INTS6L: variants seen among roughly 807,000 people sequenced by gnomAD.
INTS6L encodes the protein integrator complex subunit 6-like.
A neutral mutation model predicts 64.7 loss-of-function variants in INTS6L; 18 were observed. That is an observed-to-expected ratio of 0.28 (90% CI 0.19 to 0.41). The LOEUF (loss-of-function observed/expected upper bound fraction) is 0.41. INTS6L is among the 10% of genes least tolerant of loss of function. The pLI is 1.00. For synonymous variants in INTS6L, 227 were observed against 235.9 expected (o/e 0.96, Z 0.34); for missense variants, 533 against 661.0 (o/e 0.81, Z 2.12).
In INTS6L at chrX:135,574,002, C is replaced by T; in HGVS notation, c.1681C>T (p.Leu561=). ...DIPRRGLLDQ[L]TRMRSNLLKT... is the part of the protein sequence containing the mutation. ...TCCCCGTAGAGGTCTTTTAGACCAG[C>T]TGACCAGAATGAGATCCAATCTGCT... Residue 561 remains leucine, a synonymous_variant, in exon 13 of 18, where the codon CTG becomes TTG. Transcript: ENST00000639893. 8.3e-7 allele frequency: 1 copy of T among 1,206,487 alleles called. No homozygotes were observed. The highest frequency in any genetic ancestry group is 1.8e-5 in the South Asian group (1 of 55,784).
At chrX:135,559,045 A>G (rs1296958919) in intron 9 of INTS6L, among the ~76,000 whole-genome samples, 3 of 111,386 alleles carry the variant, frequency 2.7e-5, no homozygotes, top group African/African-American at 9.8e-5. Context: ...GGCCTCCTAA[A>G]GTGCTGGGAT....
At position 135,556,240 on chromosome X, in the gene INTS6L, T is replaced by G. The variant is rs2148637927; in HGVS notation, c.1132T>G (p.Leu378Val). ...PFGYLKASTT[L>V]TCVNLFVMPY... Reference sequence around the variant, plus strand: ...TGGTTATTTAAAAGCCAGTACAACTTTAACTTGTGTAAACCTCTTTGTGAT... The same window carrying G: ...TGGTTATTTAAAAGCCAGTACAACTGTAACTTGTGTAAACCTCTTTGTGAT... The change falls in exon 9 of 18, where the codon TTA becomes GTA. Residue 378 changes from leucine (L) to valine (V), a missense_variant. Coordinates refer to ENST00000639893, the MANE Select transcript of INTS6L (RefSeq NM_001351601.3). 5.0e-6 allele frequency: 6 copies of G among 1,203,527 alleles called. No homozygotes were observed. In the South Asian group the frequency reaches 9.1e-5, roughly 18 times the overall value.
intron 7 of INTS6L, among the ~76,000 whole-genome samples, chrX:135,550,127 G>A (rs5974537): frequency 8.9e-6 from 1 of 111,890 alleles, no homozygotes; most frequent in Non-Finnish European, 1.9e-5. Context: ...CTTGATTTAC[G>A]TGGCAAACAC....
intron 9 of INTS6L, among the ~76,000 whole-genome samples, chrX:135,567,644 G>A (rs2086986463): frequency 9.0e-6 from 1 of 111,499 alleles, no homozygotes; most frequent in Admixed American, 9.5e-5. Flanking sequence ...CAGTATTTAC[G>A]TTTGTCCGTT....
At chrX:135,535,749 G>A (rs1477790425) in intron 2 of INTS6L, among the ~76,000 whole-genome samples, 2 of 111,992 alleles carry the variant, frequency 1.8e-5, no homozygotes, top group Non-Finnish European at 3.8e-5. Context: ...AGAAATGATG[G>A]CCCTGCTAAA....
At chrX:135,540,404 A>G (rs999039099) in intron 2 of INTS6L, among the ~76,000 whole-genome samples, 7 of 112,057 alleles carry the variant, frequency 6.2e-5, no homozygotes, top group Non-Finnish European at 1.3e-4. Flanking sequence ...ACATATAAGC[A>G]CTGATAAATA....
rs782084036 is a variant in INTS6L at position 135,579,880 on chromosome X, C to T, written c.2212C>T (p.Leu738Phe). 3.3e-6 allele frequency: 4 copies of T among 1,211,660 alleles called. No homozygotes were observed. Among genetic ancestry groups the T allele is most frequent in the Non-Finnish European group, 4.5e-6 (4 of 895,401 alleles). Residue 738 changes from leucine (L) to phenylalanine (F), a missense_variant, in exon 16 of 18, where the codon CTT becomes TTT. Physicochemically the swap from Leu to Phe is conservative, Grantham distance 22. Coordinates refer to ENST00000639893, the MANE Select transcript of INTS6L (RefSeq NM_001351601.3). The part of the protein sequence containing the change: ...GFLSKSAPSE[L>F]INMTGDLMPP... The stretch of plus-strand genomic sequence containing the variant: ...CCTGTCAAAATCTGCTCCATCAGAG[C>T]TTATAAATATGACAGGAGATCTTAT...
chrX:135,541,696 T>C (rs782180228), intron 2 of INTS6L, among the ~76,000 whole-genome samples: 9 of 112,631 alleles, frequency 8.0e-5, no homozygotes, highest in African/African-American at 2.9e-4. Context: ...GAAAGTGCTT[T>C]GTAAGCAGTA....
In INTS6L at chrX:135,536,333, G is replaced by A. The variant is rs2086051069; in HGVS notation, c.190-9090G>A. Reference sequence around the variant, plus strand: ...TTTATAAATAGTCAATTCACATACAGTTTGTAAGGGTTACTTTTCTTGTGG... The same window carrying A: ...TTTATAAATAGTCAATTCACATACAATTTGTAAGGGTTACTTTTCTTGTGG... On this transcript the variant is annotated intron_variant, in intron 2 of 17. Coordinates refer to ENST00000639893, the MANE Select transcript of INTS6L (RefSeq NM_001351601.3). 8.9e-5 allele frequency among the ~76,000 whole-genome samples: 10 copies of A among 112,074 alleles called. No individual in the cohort carries two copies. The Admixed American group carries it at 9.4e-4, about 11-fold the overall frequency.
In INTS6L at chrX:135,520,906, G is replaced by C. The variant is rs959840170; in HGVS notation, c.-87G>C. On this transcript the variant is annotated 5_prime_UTR_variant, in exon 1 of 18. Transcript: ENST00000639893. ...CTTGCTCCTTGCTCCCCGGCTCTGC[G>C]AGAGTTGAGGGTTCAGGTGGCCGTA... 1.4e-5 allele frequency: 14 copies of C among 989,110 alleles called. No individual in the cohort carries two copies. Among genetic ancestry groups the C allele is most frequent in the Admixed American group, 7.0e-5 (3 of 42,890 alleles). 81.5% of individuals were successfully genotyped at this position (989,110 alleles called of 1,213,427 possible).
At chrX:135,539,565 A>G (rs1174669217) in intron 2 of INTS6L, among the ~76,000 whole-genome samples, 1 of 112,253 alleles carries the variant, frequency 8.9e-6, no homozygotes, top group Non-Finnish European at 1.9e-5. Context: ...GTAGCATTTT[A>G]AATTTTCTTC....
intron 2 of INTS6L, among the ~76,000 whole-genome samples, chrX:135,533,041 C>T (rs1459027938): frequency 8.9e-6 from 1 of 112,238 alleles, no homozygotes; most frequent in Non-Finnish European, 1.9e-5. Flanking sequence ...CACACCACTG[C>T]AGTCCAGCCT....
intron 2 of INTS6L, among the ~76,000 whole-genome samples, chrX:135,522,381 T>A (rs1159819485): frequency 9.0e-6 from 1 of 111,704 alleles, no homozygotes; most frequent in Non-Finnish European, 1.9e-5. Flanking sequence ...AGGAGAAAAG[T>A]AGGGAGGACG....
rs1556534215 is a variant in INTS6L at position 135,581,076 on chromosome X, G to C, written c.2521G>C (p.Glu841Gln). 1.7e-6 allele frequency: 2 copies of C among 1,179,470 alleles called. No individual in the cohort carries two copies. The highest frequency in any genetic ancestry group is 2.5e-5 in the Admixed American group (1 of 39,811). ...RKYERIFILLEEVQGPLEMKK... is the reference protein window; with the variant it reads ...RKYERIFILLQEVQGPLEMKK... ...ATATGAAAGAATTTTCATTTTGCTT[G>C]AAGAAGTGCAAGGACCTCTGGAGAT... Residue 841 changes from glutamate to glutamine, a missense_variant, in exon 17 of 18, where the codon GAA (glutamate) becomes CAA (glutamine). Physicochemically the swap from Glu to Gln is conservative, Grantham distance 29. Transcript: ENST00000639893.
intron 9 of INTS6L, among the ~76,000 whole-genome samples, chrX:135,568,700 C>G (rs2087014027): frequency 9.1e-6 from 1 of 110,466 alleles, no homozygotes. Flanking sequence ...GCCATCATAC[C>G]TGGCTAATTT....
At chrX:135,542,453 G>A (rs1170514402) in intron 2 of INTS6L, among the ~76,000 whole-genome samples, 2 of 109,295 alleles carry the variant, frequency 1.8e-5, no homozygotes, top group East Asian at 2.9e-4. Context: ...AGCCGAGATC[G>A]TGCCACTGCA....
Position 135,575,187 on chromosome X carries a change from A to C in INTS6L, c.1845A>C (p.Arg615Ser). 1.7e-6 allele frequency: 2 copies of C among 1,210,972 alleles called. No homozygotes were observed. The highest frequency in any genetic ancestry group is 2.2e-6 in the Non-Finnish European group (2 of 895,139). ...LREIDPDQPKRLHTFGNPFKQ... is the reference protein window; with the variant it reads ...LREIDPDQPKSLHTFGNPFKQ... ...AGATTGATCCAGACCAACCCAAAAG[A>C]CTGCATACTTTTGGCAATCCGTTTA... Residue 615 changes from arginine (R) to serine (S), a missense_variant, in exon 14 of 18, where the codon AGA becomes AGC. Transcript: ENST00000639893.
At chrX:135,545,627 A>G (rs1602890932) in intron 3 of INTS6L, 55 bp downstream of exon 3, 1 of 1,106,925 alleles carries the variant, frequency 9.0e-7, no homozygotes, top group East Asian at 3.1e-5. Context: ...TGGGGTAAGA[A>G]TTTAAAATTG....
Position 135,546,951 on chromosome X carries a change from GC to G in INTS6L, c.613+68del, listed in dbSNP as rs1368711662. 12 of 1,143,529 alleles carry G rather than the reference GC, an allele frequency of 1.0e-5. No homozygotes were observed. The African/African-American group carries it at 1.8e-4, about 17-fold the overall frequency. 94.2% of individuals were successfully genotyped at this position (1,143,529 alleles called of 1,213,427 possible). ...GCATAGAGTATATTTTTCATTAAAT[GC>G]CATATCCAGTCTTTACTTGTTTTCC... On this transcript the variant is annotated intron_variant, in intron 5 of 17. Transcript: ENST00000639893.
Sources: gnomAD v4.1 joint callset for allele counts (sites outside exome capture counted in the v4.1 genomes callset) on GRCh38, gnomAD v4.1.1 for gene constraint, MANE v1.5 for transcripts, NCBI Gene and HGNC (gene_info 2026-07-23, HGNC 2026-07-21) for gene names.